The following SP4 variants were observed in gnomAD, a reference collection of about 807,000 sequenced individuals.
The protein encoded by SP4 is transcription factor Sp4.
Under a neutral mutation model 72.8 loss-of-function variants are expected in SP4, and 19 were observed. The ratio of observed to expected loss-of-function variants is 0.26; its 90% CI spans 0.18 to 0.38. The LOEUF is 0.38. Among genes scored for constraint, SP4 ranks in the 10% least tolerant of loss-of-function variants. The probability of loss-of-function intolerance (pLI) is 1.00; values close to 1 mark genes in which losing one functional copy is unlikely to be tolerated. For missense variants in SP4, 1,008 were observed against 926.3 expected (o/e 1.09, Z -1.14); for synonymous variants, 395 against 333.1 (o/e 1.19, Z -2.02).
At chr7:21,459,085 G>A (rs1783871355) in intron 3 of SP4, among the ~76,000 whole-genome samples, 2 of 151,422 alleles carry the variant, frequency 1.3e-5, no homozygotes, top group Admixed American at 6.6e-5. Flanking sequence ...AACTTCTATA[G>A]AATTAAAGCT....
At chr7:21,440,318 G>C (rs944847991) in intron 3 of SP4, among the ~76,000 whole-genome samples, 1 of 152,172 alleles carries the variant, frequency 6.6e-6, no homozygotes, top group African/African-American at 2.4e-5. Context: ...TTTGAATAAT[G>C]TAAAGAAAAC....
rs138646408 is a variant in SP4, at chr7:21,430,062, A to G, written c.897A>G (p.Gln299=). ...TADSGTSNGN[Q]LVSTPTNTTT... Reference sequence around the variant, plus strand: ...ATAGTGGGACTTCCAATGGGAATCAATTAGTTTCCACACCCACCAACACCA... The same window carrying G: ...ATAGTGGGACTTCCAATGGGAATCAGTTAGTTTCCACACCCACCAACACCA... Residue 299 remains glutamine, a synonymous_variant, in exon 3 of 6, where the codon CAA becomes CAG. Transcript: ENST00000222584. 2.6e-4 allele frequency: 416 copies of G among 1,614,158 alleles called. 1 individual carries two copies. The highest frequency in any genetic ancestry group is 9.2e-4 in the South Asian group (84 of 91,078).
intron 3 of SP4, among the ~76,000 whole-genome samples, chr7:21,473,996 A>C (rs1178262223): frequency 6.6e-6 from 1 of 152,202 alleles, no homozygotes; most frequent in Non-Finnish European, 1.5e-5. Context: ...AAGTCAATTA[A>C]CGGGCTTCAA....
intron 3 of SP4, among the ~76,000 whole-genome samples, chr7:21,451,567 G>T (rs1295536002): frequency 6.6e-6 from 1 of 152,136 alleles, no homozygotes; most frequent in Non-Finnish European, 1.5e-5. Flanking sequence ...CTGGCTGTCA[G>T]GGCAGGGTGG....
intron 3 of SP4, among the ~76,000 whole-genome samples, chr7:21,443,390 A>G (rs896239096): frequency 5.9e-5 from 9 of 152,242 alleles, no homozygotes; most frequent in Non-Finnish European, 1.2e-4. Context: ...TGATTGCTTC[A>G]TATGTTTTGG....
intron 3 of SP4, among the ~76,000 whole-genome samples, chr7:21,461,717 T>C (rs1783996110): frequency 2.0e-5 from 3 of 152,110 alleles, no homozygotes; most frequent in Admixed American, 1.3e-4. Context: ...GCTGAAGGGC[T>C]CCTCAAGCGC....
chr7:21,473,021 A>T (rs991002966), intron 3 of SP4, among the ~76,000 whole-genome samples: 1 of 152,202 alleles, frequency 6.6e-6, no homozygotes, highest in Non-Finnish European at 1.5e-5. Flanking sequence ...TGAATGCCAG[A>T]CTTTGGTCGG....
chr7:21,474,936 C>T (rs527367041), intron 3 of SP4, among the ~76,000 whole-genome samples: 10 of 152,254 alleles, frequency 6.6e-5, no homozygotes, highest in East Asian at 1.9e-4. Context: ...GCTGTGGATA[C>T]GCAGAGGAGA....
intron 5 of SP4, among the ~76,000 whole-genome samples, chr7:21,507,205 A>C (rs1583451989): frequency 6.6e-6 from 1 of 152,152 alleles, no homozygotes; most frequent in African/African-American, 2.4e-5. Flanking sequence ...TGAAATTCCT[A>C]ATTTCAATAC....
intron 3 of SP4, among the ~76,000 whole-genome samples, chr7:21,432,762 G>A (rs150406294): frequency 6.6e-6 from 1 of 152,108 alleles, no homozygotes; most frequent in East Asian, 1.9e-4. Context: ...GGGAGGCCAG[G>A]GTGGGAGGAT....
intron 3 of SP4, among the ~76,000 whole-genome samples, chr7:21,437,258 A>G (rs1443066323): frequency 6.6e-6 from 1 of 152,222 alleles, no homozygotes; most frequent in Non-Finnish European, 1.5e-5. Flanking sequence ...GAACCGAGGA[A>G]TCACTGGGAG....
At chr7:21,432,207 G>C (rs896699745) in intron 3 of SP4, among the ~76,000 whole-genome samples, 1 of 152,200 alleles carries the variant, frequency 6.6e-6, no homozygotes, top group Non-Finnish European at 1.5e-5. Flanking sequence ...CAGTCATCTA[G>C]TTAGTGTTTC....
rs375462738 is a variant in SP4 at position 21,464,621 on chromosome 7, C to T, written c.1679-12458C>T. On this transcript the variant is annotated intron_variant, in intron 3 of 5. Transcript: ENST00000222584. ...TTAGAGATGGGGTCTTACTGTGTTG[C>T]CCTGGCTAGACTCAAACTCCTGGGC... is the stretch of plus-strand genomic sequence containing the variant. 3.3e-4 allele frequency among the ~76,000 whole-genome samples: 50 copies of T among 149,914 alleles called. 1 individual carries two copies. The highest frequency in any genetic ancestry group is 1.2e-3 in the African/African-American group (48 of 40,436).
chr7:21,442,958 A>T (rs922829747), intron 3 of SP4, among the ~76,000 whole-genome samples: 1 of 151,240 alleles, frequency 6.6e-6, no homozygotes, highest in Non-Finnish European at 1.5e-5. Flanking sequence ...CTGTTCTTGA[A>T]CTCCTGACCT....
intron 5 of SP4, among the ~76,000 whole-genome samples, chr7:21,502,041 C>CCT (rs1491504580): frequency 3.4e-5 from 1 of 29,834 alleles, no homozygotes; most frequent in Admixed American, 2.9e-4. Flanking sequence ...TCATTAGGCA[C>CCT]CCCCCCCCCC....
chr7:21,467,327 T>G (rs545436902), intron 3 of SP4, among the ~76,000 whole-genome samples: 194 of 152,264 alleles, frequency 1.3e-3, no homozygotes, highest in African/African-American at 4.2e-3. Context: ...AATTTTTTTT[T>G]AAATCTAGTT....
chr7:21,442,737 T>C (rs756783348), intron 3 of SP4, among the ~76,000 whole-genome samples: 2 of 152,164 alleles, frequency 1.3e-5, no homozygotes, highest in South Asian at 4.1e-4. Context: ...AGTAGTTTTT[T>C]GTTTTGTTTT....
At chr7:21,435,367 A>T (rs1459317467) in intron 3 of SP4, among the ~76,000 whole-genome samples, 2 of 152,208 alleles carry the variant, frequency 1.3e-5, no homozygotes, top group African/African-American at 4.8e-5. Context: ...CAGAAATGGG[A>T]GGACCAATTC....
At chr7:21,491,072 A>T (rs974388168) in intron 5 of SP4, among the ~76,000 whole-genome samples, 2 of 152,212 alleles carry the variant, frequency 1.3e-5, no homozygotes, top group African/African-American at 4.8e-5. Flanking sequence ...GAGAGAAGAT[A>T]ACAGATGTCA....
Sources: gnomAD v4.1 joint callset for allele counts (sites outside exome capture counted in the v4.1 genomes callset) on GRCh38, gnomAD v4.1.1 for gene constraint, MANE v1.5 for transcripts, NCBI Gene and HGNC (gene_info 2026-07-23, HGNC 2026-07-21) for gene names.